Variants in AKAP13 observed in about 807,000 individuals in gnomAD.
AKAP13 encodes the protein A-kinase anchor protein 13.
A neutral mutation model predicts 264.5 loss-of-function variants in AKAP13; 80 were observed. The ratio of observed to expected loss-of-function variants is 0.30; its 90% confidence interval spans 0.25 to 0.36. The LOEUF (loss-of-function observed/expected upper bound fraction) is 0.36. Among genes scored for constraint, AKAP13 ranks in the 10% least tolerant of loss-of-function variants. The pLI, the probability that AKAP13 is intolerant of heterozygous loss-of-function variation, is 1.00. For missense variants in AKAP13, 3,712 were observed against 3,435.2 expected (o/e 1.08, Z -2.01); for synonymous variants, 1,380 against 1,250.2 (o/e 1.10, Z -2.19).
chr15:85,577,580 A>T (rs964949476), intron 6 of AKAP13, among the ~76,000 whole-genome samples: 1 of 152,162 alleles, frequency 6.6e-6, no homozygotes, highest in African/African-American at 2.4e-5. Flanking sequence ...CATCAGTTTT[A>T]TGAACCTTGA....
At chr15:85,658,696 A>ATG in intron 12 of AKAP13, 106 bp downstream of exon 12, 1 of 932,092 alleles carries the variant, frequency 1.1e-6, no homozygotes, top group Non-Finnish European at 1.6e-6. Flanking sequence ...CTTTTAAGTA[A>ATG]TGTCCCATCT....
At chr15:85,418,252 ATTTTG>A (rs1191213372) in intron 1 of AKAP13, among the ~76,000 whole-genome samples, 2 of 151,542 alleles carry the variant, frequency 1.3e-5, no homozygotes, top group Non-Finnish European at 2.9e-5. Flanking sequence ...ATTATTTTAT[ATTTTG>A]TTTTGTATAG....
intron 1 of AKAP13, among the ~76,000 whole-genome samples, chr15:85,382,372 A>T (rs554286995): frequency 2.8e-4 from 43 of 152,330 alleles, no homozygotes; most frequent in Non-Finnish European, 4.1e-4. Flanking sequence ...TCACCTGATG[A>T]AGCTAAAGAC....
intron 11 of AKAP13, among the ~76,000 whole-genome samples, chr15:85,657,626 C>T (rs1467277222): frequency 1.3e-5 from 2 of 150,830 alleles, no homozygotes; most frequent in Non-Finnish European, 2.9e-5. Context: ...AAGCAGCATG[C>T]TTTTTCTGCT....
chr15:85,444,432 T>C lies in AKAP13; in HGVS notation c.-11-41278T>C, dbSNP rs557538717. On this transcript the variant is annotated intron_variant, in intron 1 of 36. Coordinates refer to ENST00000394518, the MANE Select transcript of AKAP13 (RefSeq NM_007200.5). ...TGTGGAAATGAAATCCTAAAGGCAA[T>C]AAAAAGTAAAATGTTTTCACATCTC... is the stretch of plus-strand genomic sequence containing the variant. 2.0e-5 allele frequency among the ~76,000 whole-genome samples: 3 copies of C among 152,282 alleles called. No individual in the cohort carries two copies. In the East Asian group the frequency reaches 5.8e-4, roughly 29 times the overall value.
chr15:85,483,692 T>C (rs1373102379), intron 1 of AKAP13, among the ~76,000 whole-genome samples: 2 of 144,174 alleles, frequency 1.4e-5, no homozygotes, highest in Non-Finnish European at 3.0e-5. Flanking sequence ...GTGCCTGTAA[T>C]CTCAGCTACT....
In AKAP13 at chr15:85,726,851, C is replaced by T. The variant is rs920256209; in HGVS notation, c.6823-215C>T. On this transcript the variant is annotated intron_variant, in intron 27 of 36. Coordinates refer to ENST00000394518, the MANE Select transcript of AKAP13 (RefSeq NM_007200.5). Reference sequence around the variant, plus strand: ...CATCGTGTGGAAAACATGACTGGAACCTTTAGAGCCATAAATTACTATTTC... The same window carrying T: ...CATCGTGTGGAAAACATGACTGGAATCTTTAGAGCCATAAATTACTATTTC... The T allele has an allele frequency of 3.6e-5, 21 of 586,058 alleles. No individual in the cohort carries two copies. In the East Asian group the frequency reaches 6.1e-4, roughly 17 times the overall value. 36.3% of individuals were successfully genotyped at this position (586,058 alleles called of 1,614,324 possible). A position where few individuals can be genotyped will look rare whatever the true frequency, so the allele number is the denominator to read the frequency against.
intron 8 of AKAP13, among the ~76,000 whole-genome samples, chr15:85,631,788 A>G (rs1157935559): frequency 1.3e-5 from 2 of 152,194 alleles, no homozygotes; most frequent in African/African-American, 4.8e-5. Flanking sequence ...AACTAAAGTT[A>G]TTTCTACTTT....
intron 14 of AKAP13, among the ~76,000 whole-genome samples, chr15:85,672,178 T>G (rs1198946840): frequency 1.3e-5 from 2 of 152,182 alleles, no homozygotes; most frequent in Non-Finnish European, 2.9e-5. Context: ...GTTTATTCCT[T>G]TCATCCAAAT....
intron 1 of AKAP13, among the ~76,000 whole-genome samples, chr15:85,449,801 T>C (rs1274613544): frequency 6.6e-6 from 1 of 152,228 alleles, no homozygotes; most frequent in Non-Finnish European, 1.5e-5. Context: ...TTTGATGTGC[T>C]GTTGGATTTG....
chr15:85,639,834 G>T (rs2082225468), intron 9 of AKAP13, among the ~76,000 whole-genome samples: 1 of 152,062 alleles, frequency 6.6e-6, no homozygotes, highest in South Asian at 2.1e-4. Context: ...CTGATGCCTG[G>T]GTCCTACCTC....
intron 26 of AKAP13, among the ~76,000 whole-genome samples, chr15:85,725,702 C>T (rs1435244633): frequency 6.6e-6 from 1 of 152,108 alleles, no homozygotes; most frequent in Non-Finnish European, 1.5e-5. Context: ...CCTGCTAGCT[C>T]GAGATAGACT....
chr15:85,626,831 T>C (rs2081432045), intron 8 of AKAP13, among the ~76,000 whole-genome samples: 2 of 152,298 alleles, frequency 1.3e-5, no homozygotes, highest in East Asian at 1.9e-4. Context: ...TCATACTGTT[T>C]TCCGCAGTGC....
In AKAP13 at chr15:85,590,860, A is replaced by T. The variant is rs560533404; in HGVS notation, c.4161+5037A>T. Among the ~76,000 whole-genome samples the T allele has an allele frequency of 4.6e-5, 7 of 152,318 alleles. No homozygotes were observed. The South Asian group carries it at 1.4e-3, about 32-fold the overall frequency. Reference sequence around the variant, plus strand: ...GTGAGTTAATATATATCAAGTACTTAGATCAGAGCCTGGCACAAAATAAGT... The same window carrying T: ...GTGAGTTAATATATATCAAGTACTTTGATCAGAGCCTGGCACAAAATAAGT... On this transcript the variant is annotated intron_variant, in intron 8 of 36. Coordinates refer to ENST00000394518, the MANE Select transcript of AKAP13 (RefSeq NM_007200.5).
chr15:85,702,242 C>A (rs1392425264), intron 17 of AKAP13: 2 of 39,930 alleles, frequency 5.0e-5, no homozygotes, highest in African/African-American at 1.5e-4. Context: ...GCAAGACTCA[C>A]ACACACACAC....
At chr15:85,644,778 A>G (rs1243706651) in intron 9 of AKAP13, among the ~76,000 whole-genome samples, 1 of 151,952 alleles carries the variant, frequency 6.6e-6, no homozygotes, top group Non-Finnish European at 1.5e-5. Context: ...AAGCAGGAGA[A>G]TCGCTTGAAC....
At chr15:85,585,670 A>G (rs1345111993) in intron 7 of AKAP13, 32 bp from the exon 8 acceptor site, 1 of 1,613,234 alleles carries the variant, frequency 6.2e-7, no homozygotes, top group Admixed American at 1.7e-5. Flanking sequence ...CAGTTTTTAA[A>G]AATGTACTCT....
intron 16 of AKAP13, among the ~76,000 whole-genome samples, chr15:85,686,421 G>C (rs569207971): frequency 6.6e-6 from 1 of 152,198 alleles, no homozygotes; most frequent in East Asian, 1.9e-4. Flanking sequence ...AGATCTCTTG[G>C]TTTAGCAAAT....
At chr15:85,613,018 T>C (rs930884072) in intron 8 of AKAP13, among the ~76,000 whole-genome samples, 1 of 152,132 alleles carries the variant, frequency 6.6e-6, no homozygotes, top group Non-Finnish European at 1.5e-5. Flanking sequence ...ATGAAGTAGC[T>C]TTTGTTTTTG....
Sources: allele counts gnomAD v4.1 joint callset (sites outside exome capture counted in the v4.1 genomes callset), GRCh38; gene constraint gnomAD v4.1.1; transcripts MANE v1.5; gene names NCBI Gene and HGNC (gene_info 2026-07-23, HGNC 2026-07-21).